The following NIPBL variants were observed in gnomAD, a reference collection of about 807,000 sequenced individuals.
NIPBL encodes NIPBL cohesin loading factor.
NIPBL carries 19 observed loss-of-function variants against 321.8 expected under a neutral mutation model. That is an observed-to-expected ratio of 0.06 (90% CI 0.04 to 0.09). The LOEUF is 0.09. Ranked by LOEUF, NIPBL falls within the 10% of genes least tolerant of loss-of-function variation. NIPBL has a pLI of 1.00. For missense variants in NIPBL, 2,210 were observed against 3,327.0 expected (o/e 0.66, Z 8.26); for synonymous variants, 1,106 against 1,114.1 (o/e 0.99, Z 0.14).
chr5:37,042,486 T>G (rs1022811951), intron 34 of NIPBL, among the ~76,000 whole-genome samples: 18 of 146,436 alleles, frequency 1.2e-4, no homozygotes, highest in Non-Finnish European at 2.3e-4. Context: ...ACAATGAGGA[T>G]TAGTAGCTTA....
intron 9 of NIPBL, among the ~76,000 whole-genome samples, chr5:36,980,735 A>G (rs1744046868): frequency 6.6e-6 from 1 of 151,684 alleles, no homozygotes; most frequent in Non-Finnish European, 1.5e-5. Context: ...CTAACAATGC[A>G]TTTCGCAGAA....
At chr5:36,977,480 G>C (rs1469364023) in intron 9 of NIPBL, among the ~76,000 whole-genome samples, 1 of 151,778 alleles carries the variant, frequency 6.6e-6, no homozygotes, top group Admixed American at 6.6e-5. Context: ...AAAATGGACT[G>C]TATTTAGTAA....
intron 1 of NIPBL, among the ~76,000 whole-genome samples, chr5:36,891,434 C>G (rs1746325286): frequency 6.6e-6 from 1 of 152,082 alleles, no homozygotes; most frequent in Admixed American, 6.5e-5. Flanking sequence ...CTAATTTAGA[C>G]TAGTGTGGTG....
In NIPBL at chr5:36,955,596, A is replaced by C. The variant is rs755503212; in HGVS notation, c.189A>C (p.Ser63=). 6.2e-7 allele frequency: 1 copy of C among 1,614,068 alleles called. No individual in the cohort carries two copies. Among genetic ancestry groups the C allele is most frequent in the East Asian group, 2.2e-5 (1 of 44,850 alleles). The change falls in exon 3 of 47, where the codon TCA becomes TCC. Residue 63 remains serine (S), a synonymous_variant. Coordinates refer to ENST00000282516, the MANE Select transcript of NIPBL (RefSeq NM_133433.4). ...CTTGTAGGGATGACAATTTGGTTTC[A>C]CAGCTTGTCCATAGCCTCAACCAGG... is the stretch of plus-strand genomic sequence containing the variant. ...LLACRDDNLV[S]QLVHSLNQVS...
intron 34 of NIPBL, among the ~76,000 whole-genome samples, chr5:37,043,923 A>G (rs1459663416): frequency 6.6e-6 from 1 of 152,218 alleles, no homozygotes; most frequent in Admixed American, 6.5e-5. Context: ...ATGTCTCCAG[A>G]TACTGCCAAA....
chr5:36,950,313 T>C (rs1469883673), intron 1 of NIPBL, among the ~76,000 whole-genome samples: 1 of 152,108 alleles, frequency 6.6e-6, no homozygotes, highest in African/African-American at 2.4e-5. Flanking sequence ...CCGAATCTGT[T>C]TAGTAATGCT....
chr5:37,035,586 A>C (rs993952582), intron 32 of NIPBL, among the ~76,000 whole-genome samples: 1 of 152,166 alleles, frequency 6.6e-6, no homozygotes. Context: ...TTAATTTCTC[A>C]GTCACAGTAG....
At chr5:37,053,141 G>C (rs1024167041) in intron 42 of NIPBL, among the ~76,000 whole-genome samples, 9 of 152,228 alleles carry the variant, frequency 5.9e-5, no homozygotes, top group Non-Finnish European at 1.3e-4. Context: ...GCATAGTTAG[G>C]CGATTTCTTT....
At position 36,985,756 on chromosome 5, in the gene NIPBL, A is replaced by G. The variant is rs147522427; in HGVS notation, c.2576A>G (p.Asp859Gly). 1 of 1,613,922 alleles carries G rather than the reference A, an allele frequency of 6.2e-7. No individual in the cohort carries two copies. The highest frequency in any genetic ancestry group is 1.1e-5 in the South Asian group (1 of 91,082). The change falls in exon 10 of 47, where the codon GAT becomes GGT. Residue 859 changes from aspartate (D) to glycine (G), a missense_variant. By Grantham distance (94) the Asp-to-Gly change is moderately conservative (BLOSUM62 -1). Around this residue, in one of 14 missense-constraint regions of NIPBL, gnomAD observed 588 missense variants for 564.1 expected, o/e 1.04. Coordinates refer to ENST00000282516, the MANE Select transcript of NIPBL (RefSeq NM_133433.4). ...SSRNEHGIKS[D>G]SSKTDKLERK... is the part of the protein sequence containing the mutation. The stretch of plus-strand genomic sequence containing the variant: ...AGAAATGAACATGGCATTAAATCTG[A>G]TAGTTCAAAAACTGATAAACTAGAA...
At chr5:36,898,239 G>A in intron 1 of NIPBL, among the ~76,000 whole-genome samples, 1 of 152,044 alleles carries the variant, frequency 6.6e-6, no homozygotes. Flanking sequence ...TGTTTAATAA[G>A]TTGTATCCTC....
chr5:36,931,147 G>T (rs1186579182), intron 1 of NIPBL, among the ~76,000 whole-genome samples: 1 of 152,042 alleles, frequency 6.6e-6, no homozygotes, highest in South Asian at 2.1e-4. Context: ...GGCTTTCTTA[G>T]TGTGAAGATT....
intron 9 of NIPBL, among the ~76,000 whole-genome samples, chr5:36,980,578 G>A (rs573816372): frequency 1.3e-5 from 2 of 151,566 alleles, no homozygotes; most frequent in South Asian, 4.2e-4. Flanking sequence ...TGTTACAGTT[G>A]CCTACAGTAT....
At chr5:37,055,553 C>CA (rs774932924) in intron 42 of NIPBL, among the ~76,000 whole-genome samples, 192 of 151,704 alleles carry the variant, frequency 1.3e-3, no homozygotes, top group Non-Finnish European at 2.0e-3. Context: ...AGGGAGTAGT[C>CA]AAAGAGGTAG....
intron 1 of NIPBL, among the ~76,000 whole-genome samples, chr5:36,943,573 A>C (rs957531139): frequency 6.6e-6 from 1 of 152,128 alleles, no homozygotes; most frequent in African/African-American, 2.4e-5. Context: ...GCATCAGAAC[A>C]GTTTGGGAAG....
chr5:36,952,444 C>T (rs1446357798), intron 1 of NIPBL, among the ~76,000 whole-genome samples: 2 of 152,018 alleles, frequency 1.3e-5, no homozygotes, highest in Non-Finnish European at 2.9e-5. Flanking sequence ...AAGTAAAAGT[C>T]ACTTAATGAG....
At position 36,876,796 on chromosome 5, in the gene NIPBL, CGAGA is replaced by C. The variant is rs1033433170; in HGVS notation, c.-455_-452del. 1 of 396,792 alleles carries C rather than the reference CGAGA, an allele frequency of 2.5e-6. No individual in the cohort carries two copies. Among genetic ancestry groups the C allele is most frequent in the Non-Finnish European group, 4.4e-6 (1 of 224,842 alleles). The allele number at this position is 396,792 out of a possible 1,614,324, so 24.6% of individuals were successfully genotyped here. On this transcript the variant is annotated 5_prime_UTR_variant, in exon 1 of 47. Coordinates refer to ENST00000282516, the MANE Select transcript of NIPBL (RefSeq NM_133433.4). ...TTTGTTCTGAGAGGGAGAGACGGAA[CGAGA>C]GAGAGACACACACAGGGCTCCTTCC...
chr5:37,030,751 T>C (rs1017958365), intron 32 of NIPBL, among the ~76,000 whole-genome samples: 12 of 151,824 alleles, frequency 7.9e-5, no homozygotes, highest in Admixed American at 7.2e-4. Context: ...AATAATTATG[T>C]TAGTATATCT....
chr5:36,997,801 A>G (rs542121342), intron 11 of NIPBL, among the ~76,000 whole-genome samples: 5 of 151,826 alleles, frequency 3.3e-5, no homozygotes, highest in Non-Finnish European at 5.9e-5. Flanking sequence ...CAACAGAAAC[A>G]GTGTATTGAA....
intron 32 of NIPBL, among the ~76,000 whole-genome samples, chr5:37,031,956 G>A (rs1044067155): frequency 2.6e-5 from 4 of 152,116 alleles, no homozygotes; most frequent in Non-Finnish European, 4.4e-5. Flanking sequence ...GGATTGACTG[G>A]GAAAGGACAT....
Sources: allele counts gnomAD v4.1 joint callset (sites outside exome capture counted in the v4.1 genomes callset), GRCh38; gene constraint gnomAD v4.1.1; regional missense constraint gnomAD v4.1.1; transcripts MANE v1.5; gene names NCBI Gene and HGNC (gene_info 2026-07-23, HGNC 2026-07-21).